The following SAPCD2 variants were observed in gnomAD, a reference collection of about 807,000 sequenced individuals.
SAPCD2 encodes suppressor APC domain containing 2.
A neutral mutation model predicts 37.8 loss-of-function variants in SAPCD2; 34 were observed. The ratio of observed to expected loss-of-function variants is 0.90; its 90% CI spans 0.68 to 1.20. SAPCD2 has a LOEUF of 1.20. SAPCD2 is among the 50% of genes most tolerant of loss of function. The pLI is 0.00. For missense variants in SAPCD2, 572 were observed against 584.7 expected (o/e 0.98, Z 0.22); for synonymous variants, 275 against 270.3 (o/e 1.02, Z -0.17).
Position 137,064,361 on chromosome 9 carries a change from A to C in SAPCD2, c.*298T>G. On this transcript the variant is annotated 3_prime_UTR_variant, in exon 6 of 6. Transcript: ENST00000409687. ...GAAACGGGGGGACGCTAACTCATGG[A>C]GGGGTACCCCACTGTCCACTGACAG... is the stretch of plus-strand genomic sequence containing the variant. 1.5e-5 allele frequency: 7 copies of C among 477,030 alleles called. No individual in the cohort carries two copies. The South Asian group carries it at 1.5e-4, about 10-fold the overall frequency. The allele number at this position is 477,030 out of a possible 1,614,324, so 29.5% of individuals were successfully genotyped here.
chr9:137,070,206 C>T lies in SAPCD2; in HGVS notation c.255G>A (p.Glu85=). ...VAPASGYLTF[E]RFVAGLRTSL... Reference sequence around the variant, plus strand: ...AGGTGCGCAGGCCGGCCACGAAGCGCTCGAAGGTCAGGTAGCCGCTGGCCG... The same window carrying T: ...AGGTGCGCAGGCCGGCCACGAAGCGTTCGAAGGTCAGGTAGCCGCTGGCCG... The change falls in exon 1 of 6, where the codon GAG becomes GAA. Residue 85 remains glutamate (E), a synonymous_variant. Coordinates refer to ENST00000409687, the MANE Select transcript of SAPCD2 (RefSeq NM_178448.4). 5.8e-6 allele frequency: 8 copies of T among 1,378,432 alleles called. No individual in the cohort carries two copies. Among genetic ancestry groups the T allele is most frequent in the Non-Finnish European group, 7.6e-6 (8 of 1,059,098 alleles). The allele number at this position is 1,378,432 out of a possible 1,614,324, so 85.4% of individuals were successfully genotyped here.
In SAPCD2 at chr9:137,070,534, A is replaced by C. The variant is rs1832611933; in HGVS notation, c.-74T>G. 1 of 990,856 alleles carries C rather than the reference A, an allele frequency of 1.0e-6. No homozygotes were observed. The highest frequency in any genetic ancestry group is 1.3e-6 in the Non-Finnish European group (1 of 778,414). The allele number at this position is 990,856 out of a possible 1,614,324, so 61.4% of individuals were successfully genotyped here. On this transcript the variant is annotated 5_prime_UTR_variant, in exon 1 of 6. Coordinates refer to ENST00000409687, the MANE Select transcript of SAPCD2 (RefSeq NM_178448.4). ...GCCCCACGGAGGGGCCGGCCCGGCG[A>C]GCTCAGCCCACGGCGACAATAGCGA... is the stretch of plus-strand genomic sequence containing the variant.
Position 137,066,393 on chromosome 9 carries a change from G to A in SAPCD2, c.572-19C>T. The A allele has an allele frequency of 6.5e-7, 1 of 1,550,210 alleles. No individual in the cohort carries two copies. Among genetic ancestry groups the A allele is most frequent in the Non-Finnish European group, 8.8e-7 (1 of 1,141,002 alleles). On this transcript the variant is annotated intron_variant, in intron 1 of 5. Coordinates refer to ENST00000409687, the MANE Select transcript of SAPCD2 (RefSeq NM_178448.4). Reference sequence around the variant, plus strand: ...ACTGCACCTGTTATGGAGAGGCATGGGCCTGGCTCACCTCCAGACCTGCCT... The same window carrying A: ...ACTGCACCTGTTATGGAGAGGCATGAGCCTGGCTCACCTCCAGACCTGCCT...
At chr9:137,065,898 C>T (rs552914117) in intron 2 of SAPCD2, among the ~76,000 whole-genome samples, 1 of 152,216 alleles carries the variant, frequency 6.6e-6, no homozygotes, top group African/African-American at 2.4e-5. Context: ...GGGGTCTTGG[C>T]CTTTCTTAGC....
At chr9:137,067,825 G>GGC (rs996441853) in intron 1 of SAPCD2, among the ~76,000 whole-genome samples, 4 of 146,680 alleles carry the variant, frequency 2.7e-5, no homozygotes, top group African/African-American at 1.0e-4. Flanking sequence ...TGATACGCCA[G>GGC]GCGGTGCACC....
chr9:137,064,348 C>T lies in SAPCD2; in HGVS notation c.*311G>A, dbSNP rs1431574611. The T allele has an allele frequency of 1.4e-5, 6 of 433,924 alleles. No homozygotes were observed. The highest frequency in any genetic ancestry group is 2.1e-5 in the Non-Finnish European group (5 of 238,692). The allele number at this position is 433,924 out of a possible 1,614,324, so 26.9% of individuals were successfully genotyped here. A position where few individuals can be genotyped will look rare whatever the true frequency, so the allele number is the denominator to read the frequency against. The stretch of plus-strand genomic sequence containing the variant: ...GGCGGCACCGCTGGAAACGGGGGGA[C>T]GCTAACTCATGGAGGGGTACCCCAC... On this transcript the variant is annotated 3_prime_UTR_variant, in exon 6 of 6. Transcript: ENST00000409687.
At position 137,064,722 on chromosome 9, in the gene SAPCD2, C is replaced by G. The variant is rs1424846264; in HGVS notation, c.1122G>C (p.Gln374His). Reference sequence around the variant, plus strand: ...GGCTCAGGGCGCGGGCCTCAAACAGCTGCTTAATGAGCGCCGACTTCTCCT... The same window carrying G: ...GGCTCAGGGCGCGGGCCTCAAACAGGTGCTTAATGAGCGCCGACTTCTCCT... Reference protein sequence around the residue: ...LEQEKSALIKQLFEARALSQQ... With the variant: ...LEQEKSALIKHLFEARALSQQ... The change falls in exon 6 of 6, where the codon CAG becomes CAC. Residue 374 changes from glutamine (Q) to histidine (H), a missense_variant. Transcript: ENST00000409687. The G allele has an allele frequency of 6.3e-7, 1 of 1,593,006 alleles. No homozygotes were observed. Among genetic ancestry groups the G allele is most frequent in the Non-Finnish European group, 8.5e-7 (1 of 1,170,854 alleles).
chr9:137,070,553 A>C lies in SAPCD2; in HGVS notation c.-93T>G. 1 of 782,222 alleles carries C rather than the reference A, an allele frequency of 1.3e-6. No individual in the cohort carries two copies. The highest frequency in any genetic ancestry group is 1.7e-6 in the Non-Finnish European group (1 of 589,310). The allele number at this position is 782,222 out of a possible 1,614,324, so 48.5% of individuals were successfully genotyped here. A position where few individuals can be genotyped will look rare whatever the true frequency, so the allele number is the denominator to read the frequency against. Reference sequence around the variant, plus strand: ...CCGGCGAGCTCAGCCCACGGCGACAATAGCGACTACTTTTGAATGGGGCCC... The same window carrying C: ...CCGGCGAGCTCAGCCCACGGCGACACTAGCGACTACTTTTGAATGGGGCCC... On this transcript the variant is annotated 5_prime_UTR_variant, in exon 1 of 6. Coordinates refer to ENST00000409687, the MANE Select transcript of SAPCD2 (RefSeq NM_178448.4).
chr9:137,065,596 G>C lies in SAPCD2; in HGVS notation c.757C>G (p.Arg253Gly), dbSNP rs146107203. 6.8e-6 allele frequency: 11 copies of C among 1,610,112 alleles called. No homozygotes were observed. In the East Asian group the frequency reaches 2.2e-4, roughly 33 times the overall value. ...TGCAGCTGCTGCTGGTACCAGTCGC[G>C]GCCCCGCGCCATCATCTCCAAACCC... is the stretch of plus-strand genomic sequence containing the variant. Reference protein sequence around the residue: ...LQGLEMMARGRDWYQQQLQRV... With the variant: ...LQGLEMMARGGDWYQQQLQRV... The change falls in exon 3 of 6, where the codon CGC (arginine) becomes GGC (glycine). Residue 253 changes from arginine to glycine, a missense_variant. By Grantham distance (125) the Arg-to-Gly change is moderately radical (BLOSUM62 -2). Coordinates refer to ENST00000409687, the MANE Select transcript of SAPCD2 (RefSeq NM_178448.4).
Position 137,064,984 on chromosome 9 carries a change from G to A in SAPCD2, c.940-5C>T, listed in dbSNP as rs1322964686. The A allele has an allele frequency of 8.0e-6, 12 of 1,502,936 alleles. No individual in the cohort carries two copies. Among genetic ancestry groups the A allele is most frequent in the African/African-American group, 6.9e-5 (5 of 72,380 alleles). The allele number at this position is 1,502,936 out of a possible 1,614,324, so 93.1% of individuals were successfully genotyped here. On this transcript the variant is annotated splice_polypyrimidine_tract_variant and splice_region_variant and intron_variant, in intron 4 of 5. Transcript: ENST00000409687. ...GGAGGAGGACGGGGGCAGGGCCTGC[G>A]GGAGGGCAGGATTAGGCAGGCCTGG...
chr9:137,066,279 C>A lies in SAPCD2; in HGVS notation c.667G>T (p.Gly223Cys). The A allele has an allele frequency of 6.2e-7, 1 of 1,606,264 alleles. No homozygotes were observed. The highest frequency in any genetic ancestry group is 8.5e-7 in the Non-Finnish European group (1 of 1,177,990). The part of the protein sequence containing the change: ...GERRRHTIAS[G>C]VDCGLLKQMK... ...CTGCTCACCAGGCCGCAGTCCACGC[C>A]GCTGGCGATGGTGTGCCTCCGACGT... Residue 223 changes from glycine to cysteine, a missense_variant, in exon 2 of 6, where the codon GGC becomes TGC. Transcript: ENST00000409687.
Position 137,070,059 on chromosome 9 carries a change from G to A in SAPCD2, c.402C>T (p.Val134=). ...VFAPADEPRT[V]LERKPLPLGV... ...CCAGGGGCAGGGGCTTCCTCTCCAGGACCGTCCGCGGCTCGTCGGCCGGAG... is the reference window on the plus strand; with the variant it reads ...CCAGGGGCAGGGGCTTCCTCTCCAGAACCGTCCGCGGCTCGTCGGCCGGAG... Residue 134 remains valine, a synonymous_variant, in exon 1 of 6, where the codon GTC becomes GTT. Coordinates refer to ENST00000409687, the MANE Select transcript of SAPCD2 (RefSeq NM_178448.4). 8.3e-7 allele frequency: 1 copy of A among 1,197,910 alleles called. No individual in the cohort carries two copies. The highest frequency in any genetic ancestry group is 1.0e-6 in the Non-Finnish European group (1 of 966,374). The allele number at this position is 1,197,910 out of a possible 1,614,324, so 74.2% of individuals were successfully genotyped here.
Position 137,064,842 on chromosome 9 carries a change from C to A in SAPCD2, c.1056+21G>T. 3.2e-6 allele frequency: 5 copies of A among 1,571,288 alleles called. No individual in the cohort carries two copies. The South Asian group carries it at 5.8e-5, about 18-fold the overall frequency. On this transcript the variant is annotated intron_variant, in intron 5 of 5. Transcript: ENST00000409687. Reference sequence around the variant, plus strand: ...GCGGGGCCTCACCCCCACCCCTGCACCCCTCCCGCGCCTGCCCTACCTGGG... The same window carrying A: ...GCGGGGCCTCACCCCCACCCCTGCAACCCTCCCGCGCCTGCCCTACCTGGG...
At chr9:137,065,023 A>G in intron 4 of SAPCD2, 44 bp from the exon 5 acceptor site, 3 of 1,486,890 alleles carry the variant, frequency 2.0e-6, no homozygotes, top group Admixed American at 2.0e-5. Flanking sequence ...AGGGCGGGGA[A>G]GCACTAAACT....
At chr9:137,066,704 C>T (rs1832551223) in intron 1 of SAPCD2, among the ~76,000 whole-genome samples, 1 of 152,228 alleles carries the variant, frequency 6.6e-6, no homozygotes, top group African/African-American at 2.4e-5. Context: ...CAGGCACACC[C>T]TGGGTCTCCA....
intron 1 of SAPCD2, among the ~76,000 whole-genome samples, chr9:137,067,035 T>A (rs1832555431): frequency 6.6e-6 from 1 of 152,162 alleles, no homozygotes; most frequent in African/African-American, 2.4e-5. Flanking sequence ...TTGCCCAGGC[T>A]GGAGTGCAAT....
chr9:137,066,807 G>A (rs116730805), intron 1 of SAPCD2, among the ~76,000 whole-genome samples: 1 of 152,326 alleles, frequency 6.6e-6, no homozygotes, highest in African/African-American at 2.4e-5. Context: ...AGCAGGAGAT[G>A]TGGGTGTGAA....
At position 137,070,350 on chromosome 9, in the gene SAPCD2, G is replaced by A. The variant is rs1182649761; in HGVS notation, c.111C>T (p.Asp37=). The A allele has an allele frequency of 2.0e-6, 3 of 1,469,252 alleles. No individual in the cohort carries two copies. The highest frequency in any genetic ancestry group is 2.7e-6 in the Non-Finnish European group (3 of 1,112,238). 91.0% of individuals were successfully genotyped at this position (1,469,252 alleles called of 1,614,324 possible). Residue 37 remains aspartate (D), a synonymous_variant, in exon 1 of 6, where the codon GAC becomes GAT. Coordinates refer to ENST00000409687, the MANE Select transcript of SAPCD2 (RefSeq NM_178448.4). Reference sequence around the variant, plus strand: ...AGCCGCGCCGCCGGTCGTCCAGGATGTCGAACAGGGTGCGCAGGCTCTGCA... The same window carrying A: ...AGCCGCGCCGCCGGTCGTCCAGGATATCGAACAGGGTGCGCAGGCTCTGCA... The part of the protein sequence containing the change: ...AFLQSLRTLF[D]ILDDRRRGCV...
At position 137,064,599 on chromosome 9, in the gene SAPCD2, G is replaced by A. The variant is rs1554747018; in HGVS notation, c.*60C>T. On this transcript the variant is annotated 3_prime_UTR_variant, in exon 6 of 6. Coordinates refer to ENST00000409687, the MANE Select transcript of SAPCD2 (RefSeq NM_178448.4). ...CCAGAGAGGGTGGGTGCGATGGGGC[G>A]CCCACCCTCGAAGGGCTGAGTGCCA... The A allele has an allele frequency of 1.4e-5, 21 of 1,540,168 alleles. No homozygotes were observed. In the South Asian group the frequency reaches 1.4e-4, roughly 10 times the overall value.
Sources: gnomAD v4.1 joint callset for allele counts (sites outside exome capture counted in the v4.1 genomes callset) on GRCh38, gnomAD v4.1.1 for gene constraint, MANE v1.5 for transcripts, NCBI Gene and HGNC (gene_info 2026-07-23, HGNC 2026-07-21) for gene names.